Variants in MMS22L observed in about 807,000 individuals in gnomAD.
MMS22L encodes the protein protein MMS22-like.
In MMS22L, 74 loss-of-function variants were observed where a neutral mutation model predicts 159.1. That is an observed-to-expected ratio of 0.47 (90% confidence interval 0.39 to 0.56). The LOEUF is 0.56. Among genes scored for constraint, MMS22L ranks in the 20% least tolerant of loss-of-function variants. The pLI is 0.00. For missense variants in MMS22L, 1,351 were observed against 1,422.1 expected, an observed-to-expected ratio of 0.95 and a Z score of 0.80; for synonymous variants, 517 against 506.9, an observed-to-expected ratio of 1.02 and a Z score of -0.27.
chr6:97,210,697 G>GA (rs1808277748), intron 14 of MMS22L, among the ~76,000 whole-genome samples: 1 of 151,886 alleles, frequency 6.6e-6, no homozygotes, highest in Non-Finnish European at 1.5e-5. Context: ...AGAAATCATG[G>GA]AAAGACTGAA....
chr6:97,208,355 C>G (rs1050875828), intron 14 of MMS22L, among the ~76,000 whole-genome samples: 7 of 152,060 alleles, frequency 4.6e-5, no homozygotes, highest in African/African-American at 1.7e-4. Context: ...TATATAATCA[C>G]CATTCAACAG....
chr6:97,256,772 G>A (rs1813859890), intron 9 of MMS22L, among the ~76,000 whole-genome samples: 1 of 152,026 alleles, frequency 6.6e-6, no homozygotes, highest in African/African-American at 2.4e-5. Context: ...GCAGACCAGT[G>A]AGACCCTGTC....
At chr6:97,269,191 A>G (rs900625749) in intron 7 of MMS22L, among the ~76,000 whole-genome samples, 2 of 152,114 alleles carry the variant, frequency 1.3e-5, no homozygotes, top group Non-Finnish European at 2.9e-5. Context: ...GTAACCAAGA[A>G]ATTGCAGATA....
At chr6:97,163,804 G>C (rs1178036154) in intron 21 of MMS22L, among the ~76,000 whole-genome samples, 1 of 152,018 alleles carries the variant, frequency 6.6e-6, no homozygotes, top group African/African-American at 2.4e-5. Flanking sequence ...CCAAAAAAAT[G>C]ACATTTTAAT....
chr6:97,180,720 G>A (rs1300686184), intron 16 of MMS22L, among the ~76,000 whole-genome samples: 2 of 152,066 alleles, frequency 1.3e-5, no homozygotes, highest in Admixed American at 1.3e-4. Flanking sequence ...TTCAGCAAAA[G>A]TCTTTAATGC....
chr6:97,238,163 G>A (rs1353739562), intron 11 of MMS22L, among the ~76,000 whole-genome samples: 2 of 152,112 alleles, frequency 1.3e-5, no homozygotes, highest in Admixed American at 6.5e-5. Flanking sequence ...AGTATAAAAC[G>A]GAAACAGAAA....
chr6:97,173,024 A>G (rs774086579), intron 19 of MMS22L, 39 bp downstream of exon 19: 3 of 1,595,086 alleles, frequency 1.9e-6, no homozygotes, highest in East Asian at 2.2e-5. Context: ...GCTCAACCTA[A>G]GGAAATGTTA....
intron 11 of MMS22L, chr6:97,246,188 G>A (rs1025049859): frequency 1.5e-5 from 7 of 452,534 alleles, no homozygotes; most frequent in African/African-American, 2.0e-5. Context: ...GGTATGAAAC[G>A]AATGGTCAGA....
At position 97,220,957 on chromosome 6, in the gene MMS22L, GACACACACACACACAC is replaced by G. The variant is rs71012586; in HGVS notation, c.2039+7921_2039+7936del. Among the ~76,000 whole-genome samples the G allele has an allele frequency of 4.1e-3, 582 of 143,580 alleles. 1 individual carries two copies. Among genetic ancestry groups the G allele is most frequent in the African/African-American group, 5.8e-3 (225 of 38,684 alleles). The allele number at this position is 143,580 out of a possible 152,430, so 94.2% of individuals were successfully genotyped here. ...AAAAACCATCCAAGATAAGACCCCT[GACACACACACACACAC>G]ACACACACACACACACACACACACA... is the stretch of plus-strand genomic sequence containing the variant. On this transcript the variant is annotated intron_variant, in intron 14 of 24. Coordinates refer to ENST00000683635, the MANE Select transcript of MMS22L (RefSeq NM_001350599.2).
chr6:97,279,660 C>A (rs1816574425), intron 3 of MMS22L, among the ~76,000 whole-genome samples: 2 of 151,144 alleles, frequency 1.3e-5, no homozygotes, highest in African/African-American at 4.9e-5. Flanking sequence ...GGTGGGGGGA[C>A]CCTGTAATCC....
chr6:97,254,675 C>T lies in MMS22L; in HGVS notation c.1001G>A (p.Arg334Gln), dbSNP rs756091581. The change falls in exon 10 of 25, where the codon CGA (arginine) becomes CAA (glutamine). Residue 334 changes from arginine to glutamine, a missense_variant. By Grantham distance (43) the Arg-to-Gln change is conservative. Transcript: ENST00000683635. ...LKTLLEKSSD[R>Q]RRSSMPVIQS... ...GATTACAGGCATAGAGGATCTTCTT[C>T]GGTCACTTGATTTTTCAAGCAGTGT... 16 of 1,611,504 alleles carry T rather than the reference C, an allele frequency of 9.9e-6. No homozygotes were observed. Among genetic ancestry groups the T allele is most frequent in the South Asian group, 3.3e-5 (3 of 90,344 alleles).
chr6:97,262,622 A>G (rs955082433), intron 9 of MMS22L, among the ~76,000 whole-genome samples: 1 of 145,536 alleles, frequency 6.9e-6, no homozygotes, highest in Non-Finnish European at 1.5e-5. Context: ...GGCTGCAGTG[A>G]GCACTCTAGC....
At chr6:97,275,957 T>C (rs1816202181) in intron 4 of MMS22L, among the ~76,000 whole-genome samples, 1 of 152,064 alleles carries the variant, frequency 6.6e-6, no homozygotes, top group African/African-American at 2.4e-5. Flanking sequence ...TGAGTCATGA[T>C]CGCACCACTG....
chr6:97,197,753 A>C (rs1426112246), intron 14 of MMS22L, among the ~76,000 whole-genome samples: 1 of 152,166 alleles, frequency 6.6e-6, no homozygotes, highest in Non-Finnish European at 1.5e-5. Flanking sequence ...GTTAGAATAC[A>C]AGCAACAGTG....
At chr6:97,262,533 T>A (rs1231504081) in intron 9 of MMS22L, among the ~76,000 whole-genome samples, 1 of 151,532 alleles carries the variant, frequency 6.6e-6, no homozygotes, top group African/African-American at 2.4e-5. Context: ...TAACCCTAGC[T>A]ACTCAGGATG....
chr6:97,177,000 A>C (rs1247286485), intron 18 of MMS22L, among the ~76,000 whole-genome samples: 2 of 152,020 alleles, frequency 1.3e-5, no homozygotes, highest in African/African-American at 2.4e-5. Context: ...TGTCACCCTA[A>C]ATCATGATGT....
chr6:97,251,120 A>C (rs1813191203), intron 10 of MMS22L, among the ~76,000 whole-genome samples: 1 of 152,200 alleles, frequency 6.6e-6, no homozygotes, highest in South Asian at 2.1e-4. Flanking sequence ...TTGAGGATAA[A>C]AGCAAAAATT....
At chr6:97,179,618 T>G in intron 16 of MMS22L, 59 bp from the exon 17 acceptor site, 195 of 1,330,080 alleles carry the variant, frequency 1.5e-4, no homozygotes, top group Middle Eastern at 2.1e-4. Context: ...GTATAGAGAT[T>G]AAGAAGTAAA....
chr6:97,242,355 T>A (rs1812174606), intron 11 of MMS22L, among the ~76,000 whole-genome samples: 1 of 152,216 alleles, frequency 6.6e-6, no homozygotes, highest in African/African-American at 2.4e-5. Context: ...ATAATGTCCC[T>A]CTGTCTTTTC....
Sources: allele counts gnomAD v4.1 joint callset (sites outside exome capture counted in the v4.1 genomes callset), GRCh38; gene constraint gnomAD v4.1.1; transcripts MANE v1.5; gene names NCBI Gene and HGNC (gene_info 2026-07-23, HGNC 2026-07-21).